KIFC3: variants seen among roughly 807,000 people sequenced by gnomAD.
KIFC3 encodes kinesin family member C3.
KIFC3 carries 60 observed loss-of-function variants against 101.8 expected under a neutral mutation model. That is an observed-to-expected ratio of 0.59 (90% confidence interval 0.48 to 0.73). The LOEUF (loss-of-function observed/expected upper bound fraction) is 0.73. KIFC3 is among the 30% of genes least tolerant of loss of function. The probability of loss-of-function intolerance (pLI) is 0.00; values close to 1 mark genes in which losing one functional copy is unlikely to be tolerated. For missense variants in KIFC3, 966 were observed against 1,137.1 expected (o/e 0.85, Z 2.16); for synonymous variants, 476 against 482.7 (o/e 0.99, Z 0.18).
At chr16:57,812,927 C>T (rs111920645) in intron 1 of KIFC3, among the ~76,000 whole-genome samples, 15 of 152,340 alleles carry the variant, frequency 9.8e-5, no homozygotes, top group South Asian at 8.3e-4. Flanking sequence ...CTAGACCTAA[C>T]GCTGAGCCAG....
chr16:57,802,858 A>G (rs1568066579), upstream of KIFC3: 2 of 1,074,528 alleles, frequency 1.9e-6, no homozygotes, highest in Non-Finnish European at 1.4e-6. The surrounding 1 kb of genome is among the most constrained non-coding windows in gnomAD (Gnocchi z 5.0). Context: ...CTCAAACCCG[A>G]GTGCAAAACT....
intron 1 of KIFC3, among the ~76,000 whole-genome samples, chr16:57,812,939 T>G (rs4255775): frequency 0.9 from 137,072 of 152,138 alleles, 62,459 homozygotes; most frequent in Non-Finnish European, 0.98. Flanking sequence ...CTGAGCCAGG[T>G]GCACAGGTGC....
At chr16:57,804,082 A>T (rs1345464628), upstream of KIFC3, among the ~76,000 whole-genome samples, 2 of 152,230 alleles carry the variant, frequency 1.3e-5, no homozygotes, top group Non-Finnish European at 2.9e-5. Context: ...CATTAACTGT[A>T]GGTCCTTCCC....
chr16:57,825,743 TCTC>T (rs2055445398), intron 1 of KIFC3, among the ~76,000 whole-genome samples: 1 of 152,236 alleles, frequency 6.6e-6, no homozygotes, highest in South Asian at 2.1e-4. Context: ...AGTGACATGA[TCTC>T]AGCTCACTGC....
intron 3 of KIFC3, chr16:57,775,305 C>T (rs2051895731): frequency 8.2e-7 from 1 of 1,215,012 alleles, no homozygotes. Flanking sequence ...TCTCTGGCTT[C>T]TTGAGGGCAG....
At chr16:57,836,545 A>G (rs1223667072) in intron 1 of KIFC3, among the ~76,000 whole-genome samples, 1 of 152,156 alleles carries the variant, frequency 6.6e-6, no homozygotes, top group African/African-American at 2.4e-5. Context: ...TGAATGGTAG[A>G]CTTTCTGGTC....
chr16:57,793,568 G>A (rs1487424873), intron 3 of KIFC3, among the ~76,000 whole-genome samples: 1 of 150,790 alleles, frequency 6.6e-6, no homozygotes, highest in Non-Finnish European at 1.5e-5. Context: ...ACTCCAGCCT[G>A]GGCGACAGAG....
intron 2 of KIFC3, among the ~76,000 whole-genome samples, chr16:57,795,876 GC>G (rs1555622602): frequency 2.7e-4 from 32 of 117,700 alleles, no homozygotes; most frequent in Admixed American, 1.1e-3. Context: ...GTTTTTTTGG[GC>G]TTTTTTGTTT....
At chr16:57,767,522 A>G (rs910841944) in intron 9 of KIFC3, among the ~76,000 whole-genome samples, 2 of 152,230 alleles carry the variant, frequency 1.3e-5, no homozygotes, top group African/African-American at 4.8e-5. Context: ...GGAAGTGTAT[A>G]CAGTGTATAC....
chr16:57,842,967 T>C (rs973414857), intron 1 of KIFC3, among the ~76,000 whole-genome samples: 1 of 152,082 alleles, frequency 6.6e-6, no homozygotes, highest in South Asian at 2.1e-4. Context: ...ACCCCGTCTC[T>C]ACTAAAAATA....
At chr16:57,788,403 T>G (rs782809236) in intron 3 of KIFC3, among the ~76,000 whole-genome samples, 8 of 152,142 alleles carry the variant, frequency 5.3e-5, no homozygotes, top group Non-Finnish European at 1.0e-4. Context: ...TGTCCCTGAA[T>G]CCGGGAGAGG....
intron 1 of KIFC3, among the ~76,000 whole-genome samples, chr16:57,841,391 C>T (rs924464747): frequency 6.6e-6 from 1 of 152,194 alleles, no homozygotes; most frequent in Non-Finnish European, 1.5e-5. Flanking sequence ...CCAGGCCAGG[C>T]GCAGTGGCTC....
chr16:57,759,794 G>A lies in KIFC3; in HGVS notation c.2410C>T (p.His804Tyr). The change falls in exon 18 of 20, where the codon CAC (histidine) becomes TAC (tyrosine). Residue 804 changes from histidine to tyrosine, a missense_variant. Physicochemically the swap from His to Tyr is moderately conservative, Grantham distance 83 (BLOSUM62 2). Around this residue, in one of 2 missense-constraint regions of KIFC3, gnomAD observed 689 missense variants for 884.6 expected, o/e 0.78. Transcript: ENST00000445690. ...CTGGTCCCAGAGCTGGGGGCTGAGTGGGCCCGTGCCGAGGGCTGTGGCGTC... is the reference window on the plus strand; with the variant it reads ...CTGGTCCCAGAGCTGGGGGCTGAGTAGGCCCGTGCCGAGGGCTGTGGCGTC... ...CQTPQPSARA[H>Y]SAPSSGTSSR... 6.2e-7 allele frequency: 1 copy of A among 1,610,908 alleles called. No individual in the cohort carries two copies. The highest frequency in any genetic ancestry group is 8.5e-7 in the Non-Finnish European group (1 of 1,178,828).
At chr16:57,838,922 T>C (rs1487202358) in intron 1 of KIFC3, among the ~76,000 whole-genome samples, 2 of 152,126 alleles carry the variant, frequency 1.3e-5, no homozygotes, top group African/African-American at 4.8e-5. Context: ...ATGGATGAAA[T>C]GGCCCCTGGG....
At chr16:57,818,456 C>A (rs1168020929) in intron 1 of KIFC3, among the ~76,000 whole-genome samples, 1 of 152,164 alleles carries the variant, frequency 6.6e-6, no homozygotes, top group Non-Finnish European at 1.5e-5. Flanking sequence ...TGTTGACCTC[C>A]CAGGCTCAAG....
chr16:57,801,744 G>A (rs1390903059), intron 1 of KIFC3, among the ~76,000 whole-genome samples: 1 of 152,224 alleles, frequency 6.6e-6, no homozygotes, highest in African/African-American at 2.4e-5. Flanking sequence ...CCCAGGACCA[G>A]GCCCTTCACT....
intron 9 of KIFC3, among the ~76,000 whole-genome samples, chr16:57,768,542 A>G (rs72795537): frequency 0.26 from 5,978 of 23,232 alleles, 171 homozygotes; most frequent in Middle Eastern, 0.44. Flanking sequence ...CACACGCACA[A>G]TTGGCTTAAG....
chr16:57,798,083 C>T lies in KIFC3; in HGVS notation c.161G>A (p.Arg54Lys). 6.3e-7 allele frequency: 1 copy of T among 1,592,320 alleles called. No individual in the cohort carries two copies. The highest frequency in any genetic ancestry group is 1.3e-5 in the African/African-American group (1 of 74,594). ...AAATGCGGACTCACCAGTTCTCAAC[C>T]TCCCCGGGCCGGTGTGTGGGAAAGG... ...ARPFPHTGPG[R>K]LRTGRGKDTP... Residue 54 changes from arginine (R) to lysine (K), a missense_variant, in exon 2 of 20, where the codon AGG (arginine) becomes AAG (lysine). Physicochemically the swap from Arg to Lys is conservative, Grantham distance 26 (BLOSUM62 2). This residue lies in a region of KIFC3 where 277 missense variants were observed against 252.5 expected (regional missense o/e 1.10). Coordinates refer to ENST00000445690, the MANE Select transcript of KIFC3 (RefSeq NM_001130100.2).
chr16:57,829,388 A>G (rs892765207), intron 1 of KIFC3, among the ~76,000 whole-genome samples: 4 of 152,012 alleles, frequency 2.6e-5, no homozygotes, highest in Non-Finnish European at 4.4e-5. Context: ...TGAGTAGCTG[A>G]AACCACAGGC....
Sources: gnomAD v4.1 joint callset for allele counts (sites outside exome capture counted in the v4.1 genomes callset) on GRCh38, gnomAD v4.1.1 for gene constraint, gnomAD v4.1.1 regional missense constraint, Gnocchi (gnomAD v3.1) non-coding constraint, MANE v1.5 for transcripts, NCBI Gene and HGNC (gene_info 2026-07-23, HGNC 2026-07-21) for gene names.